The following GRID1 variants were observed in gnomAD, a reference collection of about 807,000 sequenced individuals.
GRID1 encodes the protein glutamate receptor ionotropic, delta-1.
Under a neutral mutation model 98.0 loss-of-function variants are expected in GRID1, and 28 were observed. The ratio of observed to expected loss-of-function variants is 0.29; its 90% CI spans 0.21 to 0.39. The LOEUF (loss-of-function observed/expected upper bound fraction) is 0.39, where lower values mean the gene tolerates loss of function less well. Among genes scored for constraint, GRID1 ranks in the 10% least tolerant of loss-of-function variants. The pLI is 1.00. For missense variants in GRID1, 1,111 were observed against 1,340.5 expected, an observed-to-expected ratio of 0.83 and a Z score of 2.67; for synonymous variants, 553 against 538.5, an observed-to-expected ratio of 1.03 and a Z score of -0.37.
intron 6 of GRID1, among the ~76,000 whole-genome samples, chr10:85,859,845 AG>A (rs1229251035): frequency 6.6e-6 from 1 of 152,188 alleles, no homozygotes; most frequent in Non-Finnish European, 1.5e-5. Context: ...AGGGTAGGAA[AG>A]GCCCTAACCT....
At chr10:86,204,603 G>A (rs573984240) in intron 3 of GRID1, among the ~76,000 whole-genome samples, 1 of 152,240 alleles carries the variant, frequency 6.6e-6, no homozygotes, top group Non-Finnish European at 1.5e-5. Context: ...ACCAGGCCTT[G>A]TTCAGTCTGC....
chr10:85,876,477 C>G lies in GRID1; in HGVS notation c.781-7297G>C, dbSNP rs1280434772. ...TCCAGATAACCCAAGATAATCGCCC[C>G]ATCTCAAGATCATTAACTTCATCAT... On this transcript the variant is annotated intron_variant, in intron 5 of 15. Transcript: ENST00000327946. Among the ~76,000 whole-genome samples, 3 of 152,140 alleles carry G rather than the reference C, an allele frequency of 2.0e-5. No homozygotes were observed. The South Asian group carries it at 6.2e-4, about 32-fold the overall frequency.
At chr10:85,940,067 A>C (rs1262909669) in intron 4 of GRID1, among the ~76,000 whole-genome samples, 13 of 23,078 alleles carry the variant, frequency 5.6e-4, no homozygotes, top group African/African-American at 2.6e-3. Flanking sequence ...ACTCCCTCTC[A>C]AAAAAAAAAA....
chr10:85,868,351 A>T (rs1047594825), intron 6 of GRID1, among the ~76,000 whole-genome samples: 1 of 152,084 alleles, frequency 6.6e-6, no homozygotes, highest in African/African-American at 2.4e-5. Flanking sequence ...GAGAGAAACC[A>T]CCTCTTACAC....
chr10:85,747,041 A>G (rs1421341371), intron 8 of GRID1, among the ~76,000 whole-genome samples: 1 of 152,142 alleles, frequency 6.6e-6, no homozygotes, highest in Admixed American at 6.5e-5. Flanking sequence ...GTCACACATA[A>G]TATCTCATTT....
chr10:85,817,026 C>A (rs921493685), intron 8 of GRID1, among the ~76,000 whole-genome samples: 1 of 152,116 alleles, frequency 6.6e-6, no homozygotes, highest in Non-Finnish European at 1.5e-5. Flanking sequence ...CTGCAAAGGA[C>A]CTGATCTCAT....
At chr10:85,816,148 G>T (rs1842714211) in intron 8 of GRID1, among the ~76,000 whole-genome samples, 1 of 152,072 alleles carries the variant, frequency 6.6e-6, no homozygotes, top group Non-Finnish European at 1.5e-5. Flanking sequence ...ATCTACTTAT[G>T]ACATGACCCA....
intron 12 of GRID1, among the ~76,000 whole-genome samples, chr10:85,710,487 T>C (rs1841569761): frequency 6.6e-6 from 1 of 152,092 alleles, no homozygotes. Flanking sequence ...GGCTCAAAGA[T>C]TTAAATTTAA....
chr10:86,265,423 T>C (rs1314459733), intron 2 of GRID1, among the ~76,000 whole-genome samples: 1 of 152,230 alleles, frequency 6.6e-6, no homozygotes, highest in Admixed American at 6.5e-5. Context: ...AGGACTTAAT[T>C]AGGTATGACC....
intron 2 of GRID1, among the ~76,000 whole-genome samples, chr10:86,269,455 C>T (rs1354913159): frequency 1.3e-5 from 2 of 152,248 alleles, no homozygotes; most frequent in African/African-American, 2.4e-5. Context: ...TTCACCCACA[C>T]ACATTCTGAG....
At chr10:86,076,495 T>A (rs74854535) in intron 4 of GRID1, among the ~76,000 whole-genome samples, 6,604 of 152,160 alleles carry the variant, frequency 0.043, 168 homozygotes, top group Middle Eastern at 0.068. Context: ...GTAAGAAGTG[T>A]GTGCATTGAG....
chr10:86,303,208 T>C (rs1564733673), intron 2 of GRID1, among the ~76,000 whole-genome samples: 1 of 152,232 alleles, frequency 6.6e-6, no homozygotes, highest in Admixed American at 6.5e-5. Flanking sequence ...GTAATTTACT[T>C]TGAAATATTT....
At chr10:86,353,105 C>T (rs1848484396) in intron 2 of GRID1, among the ~76,000 whole-genome samples, 1 of 152,138 alleles carries the variant, frequency 6.6e-6, no homozygotes, top group Non-Finnish European at 1.5e-5. Flanking sequence ...TACAAACTGC[C>T]CTTAGAGCTG....
intron 12 of GRID1, among the ~76,000 whole-genome samples, chr10:85,670,143 T>G (rs1841068380): frequency 6.6e-6 from 1 of 152,240 alleles, no homozygotes; most frequent in South Asian, 2.1e-4. Context: ...CAGCCCTTCT[T>G]GGAGACTTAT....
chr10:86,330,105 G>C (rs896498225), intron 2 of GRID1, among the ~76,000 whole-genome samples: 21 of 151,998 alleles, frequency 1.4e-4, no homozygotes, highest in African/African-American at 4.8e-4. Context: ...TATCATGGAC[G>C]AGACCGTGAC....
At chr10:85,819,848 A>AGGTT (rs1363497789) in intron 8 of GRID1, among the ~76,000 whole-genome samples, 2 of 151,908 alleles carry the variant, frequency 1.3e-5, no homozygotes, top group Non-Finnish European at 2.9e-5. Flanking sequence ...CAGGAGGTGA[A>AGGTT]GGTTGCAGTG....
rs1328880765 is a variant in GRID1, at chr10:86,348,454, AC to A, written c.235+15486del. Among the ~76,000 whole-genome samples, 9 of 152,330 alleles carry A rather than the reference AC, an allele frequency of 5.9e-5. 1 individual carries two copies. Among genetic ancestry groups the A allele is most frequent in the African/African-American group, 2.2e-4 (9 of 41,574 alleles). Reference sequence around the variant, plus strand: ...GGCACAGGGTGGATGGGTGGAGGCAACCAGGAGAGAGCAGACTGGATGCCAG... The same window carrying A: ...GGCACAGGGTGGATGGGTGGAGGCAACAGGAGAGAGCAGACTGGATGCCAG... On this transcript the variant is annotated intron_variant, in intron 2 of 15. Transcript: ENST00000327946.
chr10:86,189,501 ACACACACACACG>A (rs1322894447), intron 3 of GRID1, among the ~76,000 whole-genome samples: 1 of 151,828 alleles, frequency 6.6e-6, no homozygotes, highest in African/African-American at 2.4e-5. Flanking sequence ...CCCTCTACAC[ACACACACACACG>A]CACACACACA....
intron 2 of GRID1, among the ~76,000 whole-genome samples, chr10:86,274,702 G>A (rs1413570788): frequency 1.3e-5 from 2 of 151,238 alleles, no homozygotes; most frequent in Admixed American, 1.3e-4. Context: ...TCATGATTTG[G>A]CTCTCTGTTT....
Sources: allele counts gnomAD v4.1 joint callset (sites outside exome capture counted in the v4.1 genomes callset), GRCh38; gene constraint gnomAD v4.1.1; transcripts MANE v1.5; gene names NCBI Gene and HGNC (gene_info 2026-07-23, HGNC 2026-07-21).